The following ROBO1 variants were observed in gnomAD, a reference collection of about 807,000 sequenced individuals.
ROBO1 encodes roundabout guidance receptor 1.
Under a neutral mutation model 195.9 loss-of-function variants are expected in ROBO1, and 149 were observed. That is an observed-to-expected ratio of 0.76 (90% CI 0.67 to 0.87). The LOEUF is 0.87. Among genes scored for constraint, ROBO1 ranks in the 40% least tolerant of loss-of-function variants. The pLI, the probability that ROBO1 is intolerant of heterozygous loss-of-function variation, is 0.00. For missense variants in ROBO1, 1,933 were observed against 2,068.3 expected (o/e 0.93, Z 1.27); for synonymous variants, 816 against 733.2 (o/e 1.11, Z -1.82).
chr3:78,954,598 A>G (rs572765537), intron 3 of ROBO1, among the ~76,000 whole-genome samples: 1 of 152,238 alleles, frequency 6.6e-6, no homozygotes, highest in South Asian at 2.1e-4. Flanking sequence ...TTTTTCAATC[A>G]TGAAAAACAG....
chr3:78,739,957 A>C (rs1352815107), intron 5 of ROBO1, among the ~76,000 whole-genome samples: 1 of 152,190 alleles, frequency 6.6e-6, no homozygotes, highest in Non-Finnish European at 1.5e-5. Context: ...AAAAAATGTT[A>C]TGAGTCAAAA....
At chr3:79,087,560 TTCA>T (rs1361650390) in intron 3 of ROBO1, among the ~76,000 whole-genome samples, 1 of 151,816 alleles carries the variant, frequency 6.6e-6, no homozygotes, top group East Asian at 1.9e-4. Context: ...TCTTCCTTCC[TTCA>T]TTTCTTTGTT....
chr3:78,783,593 C>G (rs550439845), intron 4 of ROBO1, among the ~76,000 whole-genome samples: 3 of 152,114 alleles, frequency 2.0e-5, no homozygotes, highest in African/African-American at 7.2e-5. Context: ...GGTTCTATGG[C>G]ATTTTGTAAG....
chr3:79,149,966 G>A (rs183239958), intron 2 of ROBO1, among the ~76,000 whole-genome samples: 2 of 151,858 alleles, frequency 1.3e-5, no homozygotes, highest in Admixed American at 6.6e-5. Flanking sequence ...TTCCTATAGT[G>A]AGGACCTGGT....
intron 2 of ROBO1, among the ~76,000 whole-genome samples, chr3:79,301,153 A>G (rs1317188361): frequency 6.6e-6 from 1 of 152,168 alleles, no homozygotes; most frequent in Non-Finnish European, 1.5e-5. Context: ...TATGAGCTTT[A>G]ACACTCATCG....
chr3:79,589,717 C>A (rs1943936277), intron 2 of ROBO1, 107 bp downstream of exon 2: 2 of 894,118 alleles, frequency 2.2e-6, no homozygotes, highest in Non-Finnish European at 3.6e-6. Context: ...TTACAAGTTC[C>A]AAAGAAAATG....
intron 2 of ROBO1, among the ~76,000 whole-genome samples, chr3:79,315,663 G>A (rs1024221047): frequency 6.6e-6 from 1 of 152,104 alleles, no homozygotes; most frequent in African/African-American, 2.4e-5. Flanking sequence ...AGCAGTTAAC[G>A]GAAACATTTT....
chr3:79,759,306 T>C (rs1704569766), intron 1 of ROBO1, among the ~76,000 whole-genome samples: 1 of 152,256 alleles, frequency 6.6e-6, no homozygotes, highest in Admixed American at 6.5e-5. Context: ...CTTGGATTAA[T>C]ATTTTTGAGT....
intron 2 of ROBO1, among the ~76,000 whole-genome samples, chr3:79,197,587 A>C (rs2081663340): frequency 6.6e-6 from 1 of 151,990 alleles, no homozygotes; most frequent in Admixed American, 6.6e-5. Context: ...TGGAATTTCT[A>C]GTTCTAGATC....
chr3:79,209,547 G>C (rs897049222), intron 2 of ROBO1, among the ~76,000 whole-genome samples: 2 of 151,960 alleles, frequency 1.3e-5, no homozygotes, highest in African/African-American at 4.8e-5. Context: ...TCAAATGATA[G>C]TTCTACTTTT....
intron 4 of ROBO1, among the ~76,000 whole-genome samples, chr3:78,794,741 C>T (rs549738976): frequency 9.5e-4 from 144 of 152,158 alleles, no homozygotes; most frequent in Non-Finnish European, 1.7e-3. Context: ...TACCATCATG[C>T]CTGGCTAATT....
chr3:78,947,042 A>G (rs1245496838), intron 3 of ROBO1, among the ~76,000 whole-genome samples: 2 of 152,186 alleles, frequency 1.3e-5, no homozygotes, highest in Non-Finnish European at 2.9e-5. Context: ...AGTGACCTAC[A>G]AAGAGACTTA....
chr3:79,731,907 A>G (rs1055376461), intron 1 of ROBO1, among the ~76,000 whole-genome samples: 1 of 152,132 alleles, frequency 6.6e-6, no homozygotes, highest in African/African-American at 2.4e-5. Context: ...GTGGGGGAGA[A>G]CAGAAACTGA....
intron 5 of ROBO1, among the ~76,000 whole-genome samples, chr3:78,720,645 G>A (rs774757104): frequency 9.9e-5 from 15 of 152,048 alleles, no homozygotes; most frequent in South Asian, 2.1e-4. Flanking sequence ...ACATGCACAC[G>A]CATGTTTATT....
intron 2 of ROBO1, among the ~76,000 whole-genome samples, chr3:79,157,717 G>T (rs2080883784): frequency 6.6e-6 from 1 of 151,820 alleles, no homozygotes; most frequent in Non-Finnish European, 1.5e-5. Context: ...AGTAATATGT[G>T]CATAAAGTAA....
chr3:79,419,042 C>T (rs1022308841), intron 2 of ROBO1, among the ~76,000 whole-genome samples: 2 of 152,000 alleles, frequency 1.3e-5, no homozygotes. Flanking sequence ...GTCCAGAGGG[C>T]CATGTGTGGC....
intron 2 of ROBO1, among the ~76,000 whole-genome samples, chr3:79,489,574 G>T (rs764824653): frequency 6.7e-6 from 1 of 149,264 alleles, no homozygotes; most frequent in Non-Finnish European, 1.5e-5. Context: ...AGAATCGCTT[G>T]AACCAGGGAG....
At chr3:79,620,205 C>T (rs568435655) in intron 1 of ROBO1, among the ~76,000 whole-genome samples, 1 of 152,292 alleles carries the variant, frequency 6.6e-6, no homozygotes, top group South Asian at 2.1e-4. Context: ...ACTCACCCGG[C>T]AACCACTCCC....
Position 78,600,260 on chromosome 3 carries a change from G to A in ROBO1, c.4794C>T (p.Pro1598=). ...TTGAGCTTGAGGAACTGGGATCTCTGGGATTATTTGATGTTGGAAAAGTAG... is the reference window on the plus strand; with the variant it reads ...TTGAGCTTGAGGAACTGGGATCTCTAGGATTATTTGATGTTGGAAAAGTAG... ...CRPTFPTSNN[P]RDPSSSSSMS... Residue 1598 remains proline (P), a synonymous_variant, in exon 30 of 31, where the codon CCC becomes CCT. Coordinates refer to ENST00000464233, the MANE Select transcript of ROBO1 (RefSeq NM_002941.4). 1.2e-6 allele frequency: 2 copies of A among 1,613,128 alleles called. No individual in the cohort carries two copies. Among genetic ancestry groups the A allele is most frequent in the Non-Finnish European group, 1.7e-6 (2 of 1,179,232 alleles).
Sources: allele counts gnomAD v4.1 joint callset (sites outside exome capture counted in the v4.1 genomes callset), GRCh38; gene constraint gnomAD v4.1.1; transcripts MANE v1.5; gene names NCBI Gene and HGNC (gene_info 2026-07-23, HGNC 2026-07-21).